The following SGCZ variants were observed in gnomAD, a reference collection of about 807,000 sequenced individuals.
The protein encoded by SGCZ is sarcoglycan zeta.
SGCZ carries 40 observed loss-of-function variants against 41.3 expected under a neutral mutation model. The observed-to-expected ratio is 0.97, with a 90% confidence interval of 0.75 to 1.26. SGCZ has a LOEUF of 1.26. Ranked by LOEUF, SGCZ falls within the 50% of genes most tolerant of loss-of-function variation. The pLI is 0.00. For synonymous variants in SGCZ, 206 were observed against 137.5 expected (o/e 1.50, Z -3.49); for missense variants, 552 against 369.8 (o/e 1.49, Z -4.04).
chr8:14,603,885 A>G (rs1180914088), intron 1 of SGCZ, among the ~76,000 whole-genome samples: 1 of 152,172 alleles, frequency 6.6e-6, no homozygotes, highest in South Asian at 2.1e-4. Context: ...ATTCAAAAAC[A>G]ATATGATGAA....
At chr8:14,509,083 A>G (rs1802391638) in intron 2 of SGCZ, among the ~76,000 whole-genome samples, 1 of 152,162 alleles carries the variant, frequency 6.6e-6, no homozygotes, top group African/African-American at 2.4e-5. Context: ...CATAATAGAG[A>G]AAGATATAAG....
At chr8:14,726,311 C>CATATATATATATATATATATATAT (rs1202306930) in intron 1 of SGCZ, among the ~76,000 whole-genome samples, 15 of 107,664 alleles carry the variant, frequency 1.4e-4, no homozygotes, top group Non-Finnish European at 2.0e-4. Context: ...TGTGTAAATA[C>CATATATATATATATATATATATAT]ATATATATAT....
At chr8:14,666,642 C>G (rs1337207488) in intron 1 of SGCZ, among the ~76,000 whole-genome samples, 1 of 148,294 alleles carries the variant, frequency 6.7e-6, no homozygotes, top group African/African-American at 2.5e-5. Context: ...TTTCTCAGTA[C>G]CCTAATAGAG....
At chr8:15,009,450 A>C (rs1802746267) in intron 1 of SGCZ, among the ~76,000 whole-genome samples, 1 of 152,110 alleles carries the variant, frequency 6.6e-6, no homozygotes, top group South Asian at 2.1e-4. Flanking sequence ...AGAAATCCAA[A>C]CCGTATCACA....
intron 4 of SGCZ, among the ~76,000 whole-genome samples, chr8:14,233,031 T>C (rs905060384): frequency 4.6e-5 from 7 of 152,002 alleles, no homozygotes; most frequent in African/African-American, 7.2e-5. Flanking sequence ...ATAATAAGTA[T>C]CTCAAAAGTC....
intron 1 of SGCZ, among the ~76,000 whole-genome samples, chr8:14,587,252 A>G (rs1805089500): frequency 2.6e-5 from 4 of 152,080 alleles, no homozygotes; most frequent in Admixed American, 2.6e-4. Context: ...ATCTTAGTAG[A>G]AGATATAGCC....
At chr8:14,212,451 C>A (rs1805841246) in intron 4 of SGCZ, among the ~76,000 whole-genome samples, 1 of 119,356 alleles carries the variant, frequency 8.4e-6, no homozygotes, top group African/African-American at 3.3e-5. Context: ...GAACAACCAA[C>A]AAAGAATGCA....
At chr8:15,227,787 C>T (rs1405134501) in intron 1 of SGCZ, among the ~76,000 whole-genome samples, 1 of 152,168 alleles carries the variant, frequency 6.6e-6, no homozygotes, top group Non-Finnish European at 1.5e-5. Context: ...TGAATAGGCA[C>T]AGAGTTTACA....
intron 4 of SGCZ, among the ~76,000 whole-genome samples, chr8:14,184,907 G>A (rs908224027): frequency 6.6e-6 from 1 of 152,008 alleles, no homozygotes; most frequent in Admixed American, 6.6e-5. Flanking sequence ...ATAAAATATA[G>A]CACCACAACA....
chr8:15,122,482 TC>T (rs1487070928), intron 1 of SGCZ, among the ~76,000 whole-genome samples: 3 of 152,190 alleles, frequency 2.0e-5, no homozygotes, highest in Non-Finnish European at 2.9e-5. Flanking sequence ...AGGTCATCTT[TC>T]CAGGTACAAA....
intron 1 of SGCZ, among the ~76,000 whole-genome samples, chr8:14,901,746 T>A (rs1798979392): frequency 6.6e-6 from 1 of 152,160 alleles, no homozygotes; most frequent in African/African-American, 2.4e-5. Flanking sequence ...TACATGACAA[T>A]GTATCCTACA....
At chr8:14,591,377 A>G (rs544675819) in intron 1 of SGCZ, among the ~76,000 whole-genome samples, 190 of 152,128 alleles carry the variant, frequency 1.2e-3, no homozygotes, top group African/African-American at 4.2e-3. Flanking sequence ...TTAATCTTAT[A>G]TTTCACATCA....
At chr8:14,988,361 C>T (rs533906705) in intron 1 of SGCZ, among the ~76,000 whole-genome samples, 18 of 151,768 alleles carry the variant, frequency 1.2e-4, no homozygotes, top group African/African-American at 3.9e-4. Context: ...TTAAGATATA[C>T]TATACTTTTT....
In SGCZ at chr8:14,355,681, C is replaced by T. The variant is rs890116389; in HGVS notation, c.235-31477G>A. ...TGGGAAAATGATAAAAATGAAAGGA[C>T]TGAAGGTCATTAACAAGTTTTTAAT... On this transcript the variant is annotated intron_variant, in intron 2 of 7. Coordinates refer to ENST00000382080, the MANE Select transcript of SGCZ (RefSeq NM_139167.4). Among the ~76,000 whole-genome samples, 6 of 152,026 alleles carry T rather than the reference C, an allele frequency of 3.9e-5. No individual in the cohort carries two copies. In the South Asian group the frequency reaches 1.2e-3, roughly 32 times the overall value.
intron 1 of SGCZ, among the ~76,000 whole-genome samples, chr8:14,749,716 G>C (rs960788290): frequency 4.0e-5 from 6 of 151,618 alleles, no homozygotes; most frequent in African/African-American, 1.5e-4. Context: ...CTCAAATGCA[G>C]TAAGTTTTTT....
intron 2 of SGCZ, among the ~76,000 whole-genome samples, chr8:14,434,566 C>T (rs1800034446): frequency 6.6e-6 from 1 of 152,080 alleles, no homozygotes; most frequent in Non-Finnish European, 1.5e-5. Flanking sequence ...GCAGTGTGGT[C>T]ATTTTCACAA....
chr8:14,655,655 G>C (rs965996907), intron 1 of SGCZ, among the ~76,000 whole-genome samples: 2 of 152,060 alleles, frequency 1.3e-5, no homozygotes, highest in African/African-American at 4.8e-5. Flanking sequence ...GGAGTATCTT[G>C]TAAAACTATT....
intron 1 of SGCZ, among the ~76,000 whole-genome samples, chr8:14,717,172 T>A (rs1037936065): frequency 6.6e-6 from 1 of 151,934 alleles, no homozygotes; most frequent in Non-Finnish European, 1.5e-5. Context: ...TTTAGAAAAA[T>A]TTTTCTAGAT....
At chr8:15,110,255 T>C (rs560938726) in intron 1 of SGCZ, among the ~76,000 whole-genome samples, 1 of 152,154 alleles carries the variant, frequency 6.6e-6, no homozygotes, top group Non-Finnish European at 1.5e-5. Flanking sequence ...ACCTCAGAAC[T>C]CCACCATTGC....
Sources: gnomAD v4.1 joint callset for allele counts (sites outside exome capture counted in the v4.1 genomes callset) on GRCh38, gnomAD v4.1.1 for gene constraint, MANE v1.5 for transcripts, NCBI Gene and HGNC (gene_info 2026-07-23, HGNC 2026-07-21) for gene names.